The following CACNB4 variants were observed in gnomAD, a reference collection of about 807,000 sequenced individuals.
The protein encoded by CACNB4 is calcium voltage-gated channel auxiliary subunit beta 4.
In CACNB4, 32 loss-of-function variants were observed where a neutral mutation model predicts 71.2. The ratio of observed to expected loss-of-function variants is 0.45; its 90% CI spans 0.34 to 0.60. CACNB4 has a LOEUF of 0.60. Ranked by LOEUF, CACNB4 falls within the 20% of genes least tolerant of loss-of-function variation. CACNB4 has a pLI of 0.01. For synonymous variants in CACNB4, 231 were observed against 236.9 expected (o/e 0.97, Z 0.23); for missense variants, 464 against 647.9 (o/e 0.72, Z 3.08).
intron 2 of CACNB4, among the ~76,000 whole-genome samples, chr2:152,054,771 G>A (rs1348254985): frequency 6.6e-6 from 1 of 152,164 alleles, no homozygotes; most frequent in Non-Finnish European, 1.5e-5. Context: ...CCTAGTGGGT[G>A]TAAAGTGGCA....
At chr2:151,942,854 T>C (rs2099864613) in intron 2 of CACNB4, among the ~76,000 whole-genome samples, 2 of 152,208 alleles carry the variant, frequency 1.3e-5, no homozygotes, top group Admixed American at 6.5e-5. Flanking sequence ...TTCTCTGCTC[T>C]CGAACCCTGT....
At chr2:151,980,359 T>C (rs1268711824) in intron 2 of CACNB4, among the ~76,000 whole-genome samples, 1 of 152,190 alleles carries the variant, frequency 6.6e-6, no homozygotes, top group Non-Finnish European at 1.5e-5. Flanking sequence ...CTCTCCAAGT[T>C]GGCCTTCTTG....
intron 13 of CACNB4, 142 bp from the exon 14 acceptor site, chr2:151,839,521 G>A: frequency 1.5e-6 from 1 of 660,808 alleles, no homozygotes; most frequent in Non-Finnish European, 2.6e-6. Flanking sequence ...CCAATGATCT[G>A]CTTAGAATAT....
At chr2:151,895,171 T>C (rs2099851734) in intron 2 of CACNB4, among the ~76,000 whole-genome samples, 1 of 148,562 alleles carries the variant, frequency 6.7e-6, no homozygotes, top group African/African-American at 2.5e-5. Flanking sequence ...CGAACAAAGC[T>C]GGAGGCATCA....
At chr2:152,020,256 AT>A (rs1683582276) in intron 2 of CACNB4, among the ~76,000 whole-genome samples, 1 of 152,200 alleles carries the variant, frequency 6.6e-6, no homozygotes, top group Non-Finnish European at 1.5e-5. Context: ...TTCTATGTCC[AT>A]TTGGGTTTTG....
intron 9 of CACNB4, among the ~76,000 whole-genome samples, chr2:151,862,879 T>C (rs112003022): frequency 6.6e-6 from 1 of 152,096 alleles, no homozygotes; most frequent in African/African-American, 2.4e-5. Flanking sequence ...ATGAGTCAAG[T>C]GGTCAAGCAT....
At chr2:152,041,500 GT>G (rs906949870) in intron 2 of CACNB4, among the ~76,000 whole-genome samples, 1 of 152,234 alleles carries the variant, frequency 6.6e-6, no homozygotes, top group Non-Finnish European at 1.5e-5. Context: ...AAGGTAGGCA[GT>G]TGGCCAGGCC....
chr2:151,946,056 C>A (rs554206352), intron 2 of CACNB4, among the ~76,000 whole-genome samples: 1 of 151,964 alleles, frequency 6.6e-6, no homozygotes, highest in Non-Finnish European at 1.5e-5. Context: ...AGGCCAGGTG[C>A]GGTGGCTCAC....
At chr2:151,922,165 T>A (rs2099859167) in intron 2 of CACNB4, among the ~76,000 whole-genome samples, 1 of 152,168 alleles carries the variant, frequency 6.6e-6, no homozygotes, top group African/African-American at 2.4e-5. Flanking sequence ...CTGTACAATC[T>A]CCCCATCTCA....
chr2:151,897,006 T>C (rs1042989508), intron 2 of CACNB4, among the ~76,000 whole-genome samples: 8 of 152,166 alleles, frequency 5.3e-5, no homozygotes, highest in African/African-American at 1.9e-4. Context: ...GAAGTGTTGG[T>C]AGGCACTGTT....
rs932731839 is a variant in CACNB4 at position 152,098,029 on chromosome 2, A to C, written c.147+301T>G. On this transcript the variant is annotated intron_variant, in intron 2 of 13. Coordinates refer to ENST00000539935, the MANE Select transcript of CACNB4 (RefSeq NM_000726.5). The surrounding 1 kb of genome is among the most constrained non-coding windows in gnomAD (Gnocchi z 5.3). ...CATTTCTCCACGCACCAAAGATACA[A>C]CCAGACATATTTCCAGCTCTTAAAT... 1.3e-5 allele frequency among the ~76,000 whole-genome samples: 2 copies of C among 152,222 alleles called. No homozygotes were observed. The highest frequency in any genetic ancestry group is 2.9e-5 in the Non-Finnish European group (2 of 68,038).
chr2:151,855,518 A>G (rs1331265656), intron 10 of CACNB4, 143 bp from the exon 11 acceptor site: 1 of 626,928 alleles, frequency 1.6e-6, no homozygotes, highest in South Asian at 3.8e-5. Flanking sequence ...CTAATTTAAG[A>G]CATTTTCTAA....
At chr2:152,095,338 CT>C (rs1308802333) in intron 2 of CACNB4, among the ~76,000 whole-genome samples, 1 of 152,076 alleles carries the variant, frequency 6.6e-6, no homozygotes, top group East Asian at 1.9e-4. Context: ...AACACTGAAA[CT>C]TTTTAACAAG....
intron 2 of CACNB4, among the ~76,000 whole-genome samples, chr2:152,013,486 G>A (rs1579127848): frequency 6.6e-6 from 1 of 152,152 alleles, no homozygotes; most frequent in African/African-American, 2.4e-5. Context: ...GAGGGCAGGA[G>A]AGGTGCCTTT....
At chr2:151,976,725 G>T (rs2099873871) in intron 2 of CACNB4, among the ~76,000 whole-genome samples, 1 of 152,156 alleles carries the variant, frequency 6.6e-6, no homozygotes, top group East Asian at 1.9e-4. Context: ...CCAGAAAAGT[G>T]AGCTCAGAAC....
chr2:151,893,988 G>T (rs2099851395), intron 2 of CACNB4, among the ~76,000 whole-genome samples: 2 of 152,112 alleles, frequency 1.3e-5, no homozygotes. Context: ...TATCACTGAT[G>T]AATAAGACAC....
intron 2 of CACNB4, among the ~76,000 whole-genome samples, chr2:151,930,747 A>G (rs1269351453): frequency 6.6e-6 from 1 of 152,116 alleles, no homozygotes; most frequent in Non-Finnish European, 1.5e-5. Flanking sequence ...ATACTCCTTT[A>G]TTTTTTAAAC....
chr2:151,912,666 A>G (rs769601830), intron 2 of CACNB4, among the ~76,000 whole-genome samples: 2 of 152,166 alleles, frequency 1.3e-5, no homozygotes, highest in African/African-American at 2.4e-5. Context: ...AGAGTTCTGT[A>G]GATGTCTACT....
intron 2 of CACNB4, among the ~76,000 whole-genome samples, chr2:152,031,317 C>T (rs891650196): frequency 3.3e-5 from 5 of 152,046 alleles, no homozygotes; most frequent in Admixed American, 2.0e-4. Flanking sequence ...ACTTAATGAC[C>T]GAATAAGACT....
Sources: allele counts gnomAD v4.1 joint callset (sites outside exome capture counted in the v4.1 genomes callset), GRCh38; gene constraint gnomAD v4.1.1; non-coding constraint Gnocchi (gnomAD v3.1); transcripts MANE v1.5; gene names NCBI Gene and HGNC (gene_info 2026-07-23, HGNC 2026-07-21).